Variants in ABLIM1 observed in about 807,000 individuals in gnomAD.
ABLIM1 encodes actin binding LIM protein 1.
A neutral mutation model predicts 107.0 loss-of-function variants in ABLIM1; 40 were observed. That is an observed-to-expected ratio of 0.37 (90% CI 0.29 to 0.49). The LOEUF is 0.49. ABLIM1 is among the 20% of genes least tolerant of loss of function. The pLI is 0.97. For synonymous variants in ABLIM1, 357 were observed against 357.3 expected (o/e 1.00, Z 0.01); for missense variants, 857 against 1,008.5 (o/e 0.85, Z 2.04).
chr10:114,523,556 AAGAG>A lies in ABLIM1; in HGVS notation c.894+21445_894+21448del, dbSNP rs1349312105. 3.4e-3 allele frequency among the ~76,000 whole-genome samples: 510 copies of A among 152,212 alleles called. 6 individuals are homozygous for A. Among genetic ancestry groups the A allele is most frequent in the African/African-American group, 0.012 (495 of 41,514 alleles). On this transcript the variant is annotated intron_variant, in intron 6 of 22. Transcript: ENST00000533213. The stretch of plus-strand genomic sequence containing the variant: ...AGCATTAACCTGTGGGGTTTATAAT[AAGAG>A]CAGAAATTTAATTTCTGGGCCTTAT...
At chr10:114,769,422 GGAAA>G (rs201904899), upstream of ABLIM1, among the ~76,000 whole-genome samples, 9,511 of 51,316 alleles carry the variant, frequency 0.19, 356 homozygotes, top group South Asian at 0.21. Flanking sequence ...AAGAAAAGAA[GGAAA>G]GAAAGAAAGA....
chr10:114,590,775 AG>A (rs1420250343), intron 2 of ABLIM1, among the ~76,000 whole-genome samples: 1 of 152,154 alleles, frequency 6.6e-6, no homozygotes, highest in Admixed American at 6.5e-5. Context: ...GTCAATTTGA[AG>A]GTACCCCCAA....
intron 8 of ABLIM1, among the ~76,000 whole-genome samples, chr10:114,479,316 T>C (rs2056984844): frequency 6.6e-6 from 1 of 152,204 alleles, no homozygotes; most frequent in African/African-American, 2.4e-5. Context: ...TCATGAATAT[T>C]CCTTTCATAC....
rs761857002 is a variant in ABLIM1, at chr10:114,707,339, T to A, written c.-213+60722A>T. Among the ~76,000 whole-genome samples the A allele has an allele frequency of 7.0e-4, 106 of 152,234 alleles. No individual in the cohort carries two copies. The highest frequency in any genetic ancestry group is 1.2e-3 in the Admixed American group (18 of 15,306). On this transcript the variant is annotated intron_variant, in intron 1 of 15. Transcript: ENST00000651092. The surrounding 1 kb of genome is among the most constrained non-coding windows in gnomAD (Gnocchi z 4.1). ...TCTCTGCCTCCCAGGTTCAAGCGAT[T>A]CTCCAGCCTCAGCCTTCCGAGTAGC...
At chr10:114,712,260 G>A (rs892475667) in intron 1 of ABLIM1, among the ~76,000 whole-genome samples, 1 of 147,684 alleles carries the variant, frequency 6.8e-6, no homozygotes, top group Non-Finnish European at 1.5e-5. Context: ...GGCTGAGGCA[G>A]GAGAATCACT....
intron 1 of ABLIM1, among the ~76,000 whole-genome samples, chr10:114,620,625 TG>T (rs1033628540): frequency 6.6e-6 from 1 of 152,130 alleles, no homozygotes; most frequent in Non-Finnish European, 1.5e-5. Context: ...TTGCCCAGGC[TG>T]GTCTTGAACT....
intron 1 of ABLIM1, among the ~76,000 whole-genome samples, chr10:114,612,187 A>C (rs1443263441): frequency 6.6e-6 from 1 of 152,190 alleles, no homozygotes; most frequent in African/African-American, 2.4e-5. Flanking sequence ...GAGGTGATTC[A>C]GTCACAAAGG....
At chr10:114,555,446 G>A (rs2068603059) in intron 4 of ABLIM1, among the ~76,000 whole-genome samples, 1 of 152,178 alleles carries the variant, frequency 6.6e-6, no homozygotes, top group Non-Finnish European at 1.5e-5. Flanking sequence ...CCCAGGCTTT[G>A]ATGCTTACAG....
At chr10:114,531,600 C>G (rs560045809) in intron 6 of ABLIM1, among the ~76,000 whole-genome samples, 1 of 152,248 alleles carries the variant, frequency 6.6e-6, no homozygotes, top group East Asian at 1.9e-4. Context: ...TCACTGCAAC[C>G]TCCAACTCCC....
intron 2 of ABLIM1, among the ~76,000 whole-genome samples, chr10:114,595,384 G>A (rs1322160802): frequency 6.6e-6 from 1 of 152,200 alleles, no homozygotes; most frequent in Non-Finnish European, 1.5e-5. Flanking sequence ...TCCAAATAGA[G>A]ATGAATGCTT....
Position 114,453,501 on chromosome 10 carries a change from G to A in ABLIM1, c.1442-18C>T, listed in dbSNP as rs762899014. 2.7e-6 allele frequency: 4 copies of A among 1,499,466 alleles called. No homozygotes were observed. The highest frequency in any genetic ancestry group is 3.6e-6 in the Non-Finnish European group (4 of 1,118,554). 92.9% of individuals were successfully genotyped at this position (1,499,466 alleles called of 1,614,324 possible). On this transcript the variant is annotated intron_variant, in intron 12 of 22. Transcript: ENST00000533213. Reference sequence around the variant, plus strand: ...CTCATTGCCTCCAATGAGAAGAATGGAAAAAACAAAATGAGAGAAGGGAGA... The same window carrying A: ...CTCATTGCCTCCAATGAGAAGAATGAAAAAAACAAAATGAGAGAAGGGAGA...
rs151046233 is a variant in ABLIM1, at chr10:114,536,019, G to A, written c.894+8986C>T. ...ACTATACTCATTGAGTTGTGCAGCC[G>A]TCACCACTGTCTAATTCTAGAACAT... On this transcript the variant is annotated intron_variant, in intron 6 of 22. Transcript: ENST00000533213. 5.0e-3 allele frequency among the ~76,000 whole-genome samples: 755 copies of A among 152,034 alleles called. 2 individuals carry two copies. The highest frequency in any genetic ancestry group is 7.9e-3 in the Admixed American group (120 of 15,256).
chr10:114,523,899 T>C (rs552271176), intron 6 of ABLIM1, among the ~76,000 whole-genome samples: 5 of 152,304 alleles, frequency 3.3e-5, no homozygotes, highest in East Asian at 1.9e-4. Context: ...CAGGGATCTT[T>C]GGTCTACTGA....
intron 6 of ABLIM1, among the ~76,000 whole-genome samples, chr10:114,499,818 G>A (rs2060152852): frequency 6.6e-6 from 1 of 152,198 alleles, no homozygotes; most frequent in Admixed American, 6.5e-5. Flanking sequence ...TCCCTGTTAT[G>A]CTCCTGCAGA....
At chr10:114,787,334 C>T in the ABLIM1 span, among the ~76,000 whole-genome samples, 1 of 151,958 alleles carries the variant, frequency 6.6e-6, no homozygotes, top group Non-Finnish European at 1.5e-5. Context: ...AGCCCCTCCG[C>T]CCGGCAGCCA....
At chr10:114,556,512 C>A (rs2068749664) in intron 4 of ABLIM1, among the ~76,000 whole-genome samples, 1 of 152,180 alleles carries the variant, frequency 6.6e-6, no homozygotes, top group Admixed American at 6.5e-5. Flanking sequence ...ACTAGCCTGG[C>A]CTTCCTAGGA....
At chr10:114,480,687 T>A (rs2057220547) in intron 8 of ABLIM1, among the ~76,000 whole-genome samples, 1 of 152,206 alleles carries the variant, frequency 6.6e-6, no homozygotes, top group African/African-American at 2.4e-5. Context: ...AACCTTATTT[T>A]GGCAAAAGGA....
At chr10:114,657,923 C>G (rs777978511) in intron 1 of ABLIM1, 34 bp downstream of exon 1, 2 of 1,563,012 alleles carry the variant, frequency 1.3e-6, no homozygotes, top group Non-Finnish European at 1.8e-6. Context: ...TCACAAAACA[C>G]AAAACCATGT....
At chr10:114,681,886 C>T (rs2080764992) in intron 1 of ABLIM1, among the ~76,000 whole-genome samples, 1 of 152,206 alleles carries the variant, frequency 6.6e-6, no homozygotes, top group Non-Finnish European at 1.5e-5. Context: ...TCTGATTGAC[C>T]CACTGGTCAC....
Sources: gnomAD v4.1 joint callset for allele counts (sites outside exome capture counted in the v4.1 genomes callset) on GRCh38, gnomAD v4.1.1 for gene constraint, Gnocchi (gnomAD v3.1) non-coding constraint, MANE v1.5 for transcripts, NCBI Gene and HGNC (gene_info 2026-07-23, HGNC 2026-07-21) for gene names.